Variants in RORA observed in about 807,000 individuals in gnomAD.
RORA encodes the protein RAR related orphan receptor A, also known as nuclear receptor ROR-alpha.
A neutral mutation model predicts 69.5 loss-of-function variants in RORA; 7 were observed. That is an observed-to-expected ratio of 0.10 (90% confidence interval 0.06 to 0.19). RORA has a LOEUF of 0.19. Among genes scored for constraint, RORA ranks in the 10% least tolerant of loss-of-function variants. RORA has a pLI of 1.00. For missense variants in RORA, 457 were observed against 663.0 expected (o/e 0.69, Z 3.41); for synonymous variants, 261 against 240.8 (o/e 1.08, Z -0.78).
rs554156798 is a variant in RORA, at chr15:61,100,772, G to A, written c.166+128281C>T. ...CCTCAGTTACAATTAACTAGAGCACGGCTTATCTTACACTCCTTACAGTTT... is the reference window on the plus strand; with the variant it reads ...CCTCAGTTACAATTAACTAGAGCACAGCTTATCTTACACTCCTTACAGTTT... On this transcript the variant is annotated intron_variant, in intron 1 of 10. Transcript: ENST00000335670. 6.6e-5 allele frequency among the ~76,000 whole-genome samples: 10 copies of A among 152,252 alleles called. No homozygotes were observed. The South Asian group carries it at 1.7e-3, about 25-fold the overall frequency.
chr15:61,191,918 C>G (rs554943086), intron 1 of RORA, among the ~76,000 whole-genome samples: 5 of 152,238 alleles, frequency 3.3e-5, no homozygotes, highest in Non-Finnish European at 5.9e-5. Flanking sequence ...GCCATTCAAG[C>G]TTCGCTTCTC....
At chr15:60,814,439 G>A (rs1242618500) in intron 1 of RORA, among the ~76,000 whole-genome samples, 1 of 152,132 alleles carries the variant, frequency 6.6e-6, no homozygotes, top group Non-Finnish European at 1.5e-5. Context: ...TTATTCTACT[G>A]TATCTCCAGT....
intron 1 of RORA, among the ~76,000 whole-genome samples, chr15:61,085,276 G>C (rs1168178358): frequency 6.6e-6 from 1 of 152,144 alleles, no homozygotes; most frequent in Non-Finnish European, 1.5e-5. Flanking sequence ...ATACCTGGCT[G>C]GGCACTGTGA....
intron 2 of RORA, among the ~76,000 whole-genome samples, chr15:60,661,602 T>C (rs1006375595): frequency 1.3e-5 from 2 of 152,296 alleles, no homozygotes; most frequent in African/African-American, 2.4e-5. Flanking sequence ...TTAATTCTCT[T>C]TGAATAAGGG....
chr15:60,779,515 G>A (rs2072223741), intron 1 of RORA, among the ~76,000 whole-genome samples: 1 of 152,190 alleles, frequency 6.6e-6, no homozygotes, highest in South Asian at 2.1e-4. Flanking sequence ...TGCTGTGGAA[G>A]ATGTAATAGG....
intron 1 of RORA, among the ~76,000 whole-genome samples, chr15:60,963,656 C>T (rs556687314): frequency 9.1e-4 from 138 of 152,336 alleles, no homozygotes; most frequent in Non-Finnish European, 1.1e-3. Context: ...TCAGCTTCAT[C>T]TGAAGCCCTT....
chr15:60,652,373 T>G (rs2070157164), intron 2 of RORA, among the ~76,000 whole-genome samples: 1 of 152,208 alleles, frequency 6.6e-6, no homozygotes, highest in Non-Finnish European at 1.5e-5. Flanking sequence ...ACAGAAGAAC[T>G]TTCTAAAAGC....
chr15:61,227,580 G>A (rs557365004), intron 1 of RORA, among the ~76,000 whole-genome samples: 1 of 152,076 alleles, frequency 6.6e-6, no homozygotes, highest in Non-Finnish European at 1.5e-5. Context: ...GCTAAGGTGG[G>A]GGGGGGGATA....
intron 1 of RORA, among the ~76,000 whole-genome samples, chr15:61,083,846 C>G (rs1195104019): frequency 6.6e-6 from 1 of 151,872 alleles, no homozygotes; most frequent in Non-Finnish European, 1.5e-5. Context: ...ATGAGGAAAA[C>G]AGAGGGAGAA....
chr15:60,662,274 T>C (rs2070314916), intron 2 of RORA, among the ~76,000 whole-genome samples: 1 of 152,186 alleles, frequency 6.6e-6, no homozygotes, highest in Non-Finnish European at 1.5e-5. Flanking sequence ...ACAGGCAAAA[T>C]GAGGGTGGAG....
At position 60,676,967 on chromosome 15, in the gene RORA, T is replaced by C; in HGVS notation, c.196+1690A>G. The C allele has an allele frequency of 9.9e-5, 32 of 322,976 alleles. 1 individual carries two copies. The highest frequency in any genetic ancestry group is 7.9e-4 in the South Asian group (32 of 40,654). 20.0% of individuals were successfully genotyped at this position (322,976 alleles called of 1,614,324 possible). On this transcript the variant is annotated intron_variant, in intron 2 of 10. Transcript: ENST00000335670. ...ATGTACTCTTCATGTCCAGTGGAGC[T>C]GAAGTAGTGGTTTTGTTCACTTATC...
At chr15:60,742,383 G>A (rs959231219) in intron 1 of RORA, among the ~76,000 whole-genome samples, 9 of 152,126 alleles carry the variant, frequency 5.9e-5, no homozygotes, top group African/African-American at 1.9e-4. Flanking sequence ...AGGTAAAAAT[G>A]GTATGTGTCT....
At chr15:60,617,698 GGA>G (rs752142916) in intron 2 of RORA, among the ~76,000 whole-genome samples, 3 of 125,704 alleles carry the variant, frequency 2.4e-5, no homozygotes, top group Non-Finnish European at 5.4e-5. Flanking sequence ...AGAGAAAGAG[GGA>G]GAGAGAGAGA....
rs1024107849 is a variant in RORA at position 60,489,101 on chromosome 15, C to T, written c.*8354G>A. ...AGGAAGCTTAGGATGCTAAATCGTG[C>T]TTTAAAAAAAAGGTTTCAATCTCTT... On this transcript the variant is annotated 3_prime_UTR_variant, in exon 11 of 11. Coordinates refer to ENST00000335670, the MANE Select transcript of RORA (RefSeq NM_134261.3). The T allele has an allele frequency of 1.2e-4, 19 of 152,032 alleles. No individual in the cohort carries two copies. Among genetic ancestry groups the T allele is most frequent in the African/African-American group, 4.1e-4 (17 of 41,398 alleles). The allele number at this position is 152,032 out of a possible 1,614,324, so 9.4% of individuals were successfully genotyped here.
intron 2 of RORA, among the ~76,000 whole-genome samples, chr15:60,616,034 T>C (rs894418456): frequency 2.6e-5 from 4 of 152,186 alleles, no homozygotes; most frequent in African/African-American, 7.2e-5. Flanking sequence ...TGCACCTCTA[T>C]TGGACTCTTA....
intron 1 of RORA, among the ~76,000 whole-genome samples, chr15:60,929,656 A>G (rs1892318604): frequency 6.6e-6 from 1 of 152,196 alleles, no homozygotes; most frequent in Non-Finnish European, 1.5e-5. Flanking sequence ...AGTGGAGTAG[A>G]AAGTGCTACA....
chr15:61,221,638 C>T (rs987238377), intron 1 of RORA, among the ~76,000 whole-genome samples: 2 of 152,166 alleles, frequency 1.3e-5, no homozygotes, highest in African/African-American at 4.8e-5. Flanking sequence ...ACGCCTACCA[C>T]TTACGTACAG....
intron 1 of RORA, among the ~76,000 whole-genome samples, chr15:60,856,016 T>C (rs1410389663): frequency 6.6e-6 from 1 of 152,152 alleles, no homozygotes; most frequent in Non-Finnish European, 1.5e-5. Flanking sequence ...GAATCAGGAA[T>C]TGTGATGAAA....
intron 1 of RORA, among the ~76,000 whole-genome samples, chr15:61,171,112 C>T (rs954822057): frequency 6.6e-6 from 1 of 152,284 alleles, no homozygotes; most frequent in African/African-American, 2.4e-5. Context: ...CAGGACTTGG[C>T]GACATGCTGG....
Sources: gnomAD v4.1 joint callset for allele counts (sites outside exome capture counted in the v4.1 genomes callset) on GRCh38, gnomAD v4.1.1 for gene constraint, MANE v1.5 for transcripts, NCBI Gene and HGNC (gene_info 2026-07-23, HGNC 2026-07-21) for gene names.